The following ARMH1 variants were observed in gnomAD, a reference collection of about 807,000 sequenced individuals.
ARMH1 encodes armadillo like helical domain containing 1, also known as armadillo-like helical domain containing protein 1.
A neutral mutation model predicts 50.2 loss-of-function variants in ARMH1; 34 were observed. That is an observed-to-expected ratio of 0.68 (90% confidence interval 0.51 to 0.90). ARMH1 has a LOEUF of 0.90. ARMH1 is among the 40% of genes least tolerant of loss of function. The pLI, the probability that ARMH1 is intolerant of heterozygous loss-of-function variation, is 0.00. For synonymous variants in ARMH1, 221 were observed against 224.2 expected, an observed-to-expected ratio of 0.99 and a Z score of 0.13; for missense variants, 538 against 553.9, an observed-to-expected ratio of 0.97 and a Z score of 0.29.
chr1:44,689,985 C>T (rs1242473882), intron 2 of ARMH1, 82 bp downstream of exon 2: 1 of 1,218,140 alleles, frequency 8.2e-7, no homozygotes, highest in African/African-American at 1.5e-5. Flanking sequence ...TTTGGGAGGC[C>T]AAGGTGGGCA....
In ARMH1 at chr1:44,724,482, G is replaced by T. The variant is rs1454218371; in HGVS notation, c.921-57G>T. The T allele has an allele frequency of 2.0e-6, 3 of 1,512,998 alleles. No homozygotes were observed. Among genetic ancestry groups the T allele is most frequent in the Non-Finnish European group, 2.6e-6 (3 of 1,133,572 alleles). 93.7% of individuals were successfully genotyped at this position (1,512,998 alleles called of 1,614,324 possible). On this transcript the variant is annotated intron_variant, in intron 8 of 11. Coordinates refer to ENST00000535358, the MANE Select transcript of ARMH1 (RefSeq NM_001145636.2). The surrounding 1 kb of genome is among the most constrained non-coding windows in gnomAD (Gnocchi z 6.4). ...GGAGCGCTCCGTGCGCCGGGTGGGC[G>T]GGGGTGTGCGCCGGGTGAGCCCCAG...
In ARMH1 at chr1:44,721,757, A is replaced by C. The variant is rs537709621; in HGVS notation, c.725-2365A>C. The C allele has an allele frequency of 5.3e-5, 8 of 152,320 alleles. 1 individual carries two copies. The South Asian group carries it at 8.3e-4, about 16-fold the overall frequency. The allele number at this position is 152,320 out of a possible 1,614,324, so 9.4% of individuals were successfully genotyped here. ...TCCCAAAGCATGAAACACCCCACCCACACGTCTCTCTTTAGTAACAGAACA... is the reference window on the plus strand; with the variant it reads ...TCCCAAAGCATGAAACACCCCACCCCCACGTCTCTCTTTAGTAACAGAACA... On this transcript the variant is annotated intron_variant, in intron 6 of 11. Transcript: ENST00000535358.
rs188919745 is a variant in ARMH1 at position 44,681,430 on chromosome 1, G to A, written c.-23+6557G>A. Among the ~76,000 whole-genome samples, 6 of 152,198 alleles carry A rather than the reference G, an allele frequency of 3.9e-5. No homozygotes were observed. Among genetic ancestry groups the A allele is most frequent in the Non-Finnish European group, 8.8e-5 (6 of 68,010 alleles). On this transcript the variant is annotated intron_variant, in intron 1 of 11. Transcript: ENST00000535358. This position sits in a 1 kb window ranked among gnomAD's most constrained non-coding sequence, Gnocchi z 4.3. The stretch of plus-strand genomic sequence containing the variant: ...GTTCAAGACTGCATTGAGCTATGAC[G>A]GTGCTGTGCACTCCAGCCTGAGTGA...
At chr1:44,709,654 G>C (rs1189132122) in intron 6 of ARMH1, among the ~76,000 whole-genome samples, 1 of 149,646 alleles carries the variant, frequency 6.7e-6, no homozygotes, top group Non-Finnish European at 1.5e-5. Context: ...CCTGGCAACA[G>C]AGTGAGACTC....
In ARMH1 at chr1:44,724,057, G is replaced by T. The variant is rs1364366455; in HGVS notation, c.725-65G>T. 8 of 1,522,562 alleles carry T rather than the reference G, an allele frequency of 5.3e-6. No individual in the cohort carries two copies. In the Admixed American group the frequency reaches 1.7e-4, roughly 32 times the overall value. The allele number at this position is 1,522,562 out of a possible 1,614,324, so 94.3% of individuals were successfully genotyped here. ...GACGAGTGGCGACTTGGTTCACGGG[G>T]TTCTTTGCTTCCTCGGTGGCGGAGG... is the stretch of plus-strand genomic sequence containing the variant. On this transcript the variant is annotated intron_variant, in intron 6 of 11. Coordinates refer to ENST00000535358, the MANE Select transcript of ARMH1 (RefSeq NM_001145636.2). This position sits in a 1 kb window ranked among gnomAD's most constrained non-coding sequence, Gnocchi z 6.4.
Position 44,689,922 on chromosome 1 carries a change from A to T in ARMH1, c.206+19A>T. 1 of 1,025,326 alleles carries T rather than the reference A, an allele frequency of 9.8e-7. No homozygotes were observed. The highest frequency in any genetic ancestry group is 3.5e-4 in the Middle Eastern group (1 of 2,878). The allele number at this position is 1,025,326 out of a possible 1,614,324, so 63.5% of individuals were successfully genotyped here. A position where few individuals can be genotyped will look rare whatever the true frequency, so the allele number is the denominator to read the frequency against. On this transcript the variant is annotated intron_variant, in intron 2 of 11. Transcript: ENST00000535358. ...GAATCACGTATCCTTTACTGAACAG[A>T]AAAAAAAAAATTAGGCACCGGGCAC... is the stretch of plus-strand genomic sequence containing the variant.
intron 5 of ARMH1, among the ~76,000 whole-genome samples, chr1:44,702,324 G>A (rs562720561): frequency 6.6e-6 from 1 of 152,098 alleles, no homozygotes; most frequent in South Asian, 2.1e-4. Context: ...ACCCAAGGCC[G>A]CATGCTAAGT....
At chr1:44,685,700 T>C (rs1645447739) in intron 1 of ARMH1, among the ~76,000 whole-genome samples, 1 of 151,306 alleles carries the variant, frequency 6.6e-6, no homozygotes, top group Admixed American at 6.6e-5. Flanking sequence ...CAATCTCGGC[T>C]CACTGCAACC....
chr1:44,703,494 G>A (rs1036897730), intron 5 of ARMH1, among the ~76,000 whole-genome samples: 2 of 151,326 alleles, frequency 1.3e-5, no homozygotes, highest in Admixed American at 6.6e-5. Context: ...AGGCTGAAAC[G>A]GGTGGATCAC....
At chr1:44,718,467 G>A (rs929597146) in intron 6 of ARMH1, among the ~76,000 whole-genome samples, 3 of 152,236 alleles carry the variant, frequency 2.0e-5, no homozygotes, top group Non-Finnish European at 2.9e-5. Context: ...TGCAGGCTAC[G>A]GCTGCCAAGC....
At chr1:44,722,782 G>A (rs376364699) in intron 6 of ARMH1, among the ~76,000 whole-genome samples, 37 of 146,792 alleles carry the variant, frequency 2.5e-4, no homozygotes, top group Admixed American at 2.0e-4. Flanking sequence ...TGGGCCCACC[G>A]GGCCCAGTGG....
chr1:44,679,371 A>G (rs1218204192), intron 1 of ARMH1, among the ~76,000 whole-genome samples: 1 of 152,214 alleles, frequency 6.6e-6, no homozygotes, highest in Admixed American at 6.5e-5. Flanking sequence ...TATAAATTAA[A>G]TCTTCTTTTC....
intron 1 of ARMH1, among the ~76,000 whole-genome samples, chr1:44,684,862 T>C (rs1645418678): frequency 6.6e-6 from 1 of 152,152 alleles, no homozygotes; most frequent in Non-Finnish European, 1.5e-5. Flanking sequence ...TGAAAACTGA[T>C]GAGTAGAGGG....
At chr1:44,694,210 C>T (rs1308227741) in intron 2 of ARMH1, among the ~76,000 whole-genome samples, 1 of 152,196 alleles carries the variant, frequency 6.6e-6, no homozygotes, top group Non-Finnish European at 1.5e-5. Context: ...AATTCCCTAA[C>T]TTTTTGCAGC....
chr1:44,695,345 A>G (rs917692203), intron 2 of ARMH1, among the ~76,000 whole-genome samples: 3 of 152,222 alleles, frequency 2.0e-5, no homozygotes, highest in Non-Finnish European at 2.9e-5. Flanking sequence ...CCCGCACACA[A>G]TAGGAGCTGG....
rs1232625308 is a variant in ARMH1 at position 44,724,305 on chromosome 1, C to A, written c.848-15C>A. The A allele has an allele frequency of 6.4e-7, 1 of 1,551,094 alleles. No homozygotes were observed. The highest frequency in any genetic ancestry group is 1.4e-5 in the African/African-American group (1 of 73,176). ...GGGAGGGCGGTCTCTTGCCTCACGGCTGCCCCCTCCTCAGACCCCTCGGTT... is the reference window on the plus strand; with the variant it reads ...GGGAGGGCGGTCTCTTGCCTCACGGATGCCCCCTCCTCAGACCCCTCGGTT... On this transcript the variant is annotated splice_polypyrimidine_tract_variant and intron_variant, in intron 7 of 11. Coordinates refer to ENST00000535358, the MANE Select transcript of ARMH1 (RefSeq NM_001145636.2). This position sits in a 1 kb window ranked among gnomAD's most constrained non-coding sequence, Gnocchi z 6.4.
At position 44,702,595 on chromosome 1, in the gene ARMH1, C is replaced by T. The variant is rs562203317; in HGVS notation, c.639+1476C>T. On this transcript the variant is annotated intron_variant, in intron 5 of 11. Transcript: ENST00000535358. Reference sequence around the variant, plus strand: ...GGCGTGGTGGTGTGTGCCTGTAATCCCAGCTACTCGGGAGGCTGAGGCAGG... The same window carrying T: ...GGCGTGGTGGTGTGTGCCTGTAATCTCAGCTACTCGGGAGGCTGAGGCAGG... 1.2e-4 allele frequency among the ~76,000 whole-genome samples: 18 copies of T among 151,350 alleles called. No individual in the cohort carries two copies. In the East Asian group the frequency reaches 3.3e-3, roughly 28 times the overall value.
rs1197215152 is a variant in ARMH1, at chr1:44,724,889, C to G, written c.1128+50C>G. ...CGCAATGAGCAGATGGCGGCTCGGA[C>G]AGTGTGATGCCCCTTCAGACAGTCC... is the stretch of plus-strand genomic sequence containing the variant. On this transcript the variant is annotated intron_variant, in intron 10 of 11. Transcript: ENST00000535358. The surrounding 1 kb of genome is among the most constrained non-coding windows in gnomAD (Gnocchi z 6.4). The G allele has an allele frequency of 6.5e-7, 1 of 1,527,980 alleles. No individual in the cohort carries two copies. The highest frequency in any genetic ancestry group is 1.4e-5 in the African/African-American group (1 of 72,838). 94.7% of individuals were successfully genotyped at this position (1,527,980 alleles called of 1,614,324 possible). A position where few individuals can be genotyped will look rare whatever the true frequency, so the allele number is the denominator to read the frequency against.
chr1:44,722,010 C>T (rs1280091402), intron 6 of ARMH1: 2 of 152,096 alleles, frequency 1.3e-5, no homozygotes, highest in Non-Finnish European at 1.5e-5. Flanking sequence ...AGAAAAGTGT[C>T]CTAAACATGT....
Sources: gnomAD v4.1 joint callset for allele counts (sites outside exome capture counted in the v4.1 genomes callset) on GRCh38, gnomAD v4.1.1 for gene constraint, Gnocchi (gnomAD v3.1) non-coding constraint, MANE v1.5 for transcripts, NCBI Gene and HGNC (gene_info 2026-07-23, HGNC 2026-07-21) for gene names.